Variants in UBE2L3 observed in about 807,000 individuals in gnomAD.
The protein encoded by UBE2L3 is ubiquitin conjugating enzyme E2 L3.
A neutral mutation model predicts 17.8 loss-of-function variants in UBE2L3; 1 was observed. The observed-to-expected ratio is 0.06, with a 90% CI of 0.02 to 0.27. UBE2L3 has a LOEUF of 0.27. Ranked by LOEUF, UBE2L3 falls within the 10% of genes least tolerant of loss-of-function variation. The probability of loss-of-function intolerance (pLI) is 1.00; values close to 1 mark genes in which losing one functional copy is unlikely to be tolerated. For synonymous variants in UBE2L3, 44 were observed against 68.5 expected (o/e 0.64, Z 1.76); for missense variants, 40 against 192.6 (o/e 0.21, Z 4.69).
intron 1 of UBE2L3, among the ~76,000 whole-genome samples, chr22:21,562,622 C>T (rs758801720): frequency 2.7e-5 from 4 of 150,900 alleles, no homozygotes; most frequent in East Asian, 2.0e-4. Flanking sequence ...CTGCCTGCCT[C>T]GGCCTCCCAA....
intron 1 of UBE2L3, among the ~76,000 whole-genome samples, chr22:21,561,184 G>A (rs1250023761): frequency 6.6e-6 from 1 of 152,292 alleles, no homozygotes; most frequent in East Asian, 1.9e-4. Context: ...GGAACAGCTT[G>A]AGCCTCAGTT....
In UBE2L3 at chr22:21,623,376, G is replaced by C. The variant is rs1002880534; in HGVS notation, c.*1707G>C. On this transcript the variant is annotated 3_prime_UTR_variant, in exon 4 of 4. Coordinates refer to ENST00000342192, the MANE Select transcript of UBE2L3 (RefSeq NM_003347.4). ...ACTCCCTTGTGCCCGGGATGGCAAG[G>C]GCACCGGGCTGGCGTTTCCACATCT... is the stretch of plus-strand genomic sequence containing the variant. The C allele has an allele frequency of 6.5e-6, 1 of 152,736 alleles. No homozygotes were observed. The highest frequency in any genetic ancestry group is 1.5e-5 in the Non-Finnish European group (1 of 68,038). The allele number at this position is 152,736 out of a possible 1,614,324, so 9.5% of individuals were successfully genotyped here.
At chr22:21,608,329 A>C (rs1398595668) in intron 2 of UBE2L3, among the ~76,000 whole-genome samples, 1 of 152,192 alleles carries the variant, frequency 6.6e-6, no homozygotes, top group East Asian at 1.9e-4. Flanking sequence ...AGCTCATTGC[A>C]TTCTCAAACT....
intron 3 of UBE2L3, among the ~76,000 whole-genome samples, chr22:21,621,228 C>T (rs983866383): frequency 6.6e-6 from 1 of 152,134 alleles, no homozygotes; most frequent in Non-Finnish European, 1.5e-5. Flanking sequence ...AAGACCTCCC[C>T]AGGTGTTAGG....
chr22:21,589,040 TGCCTTG>T (rs1928108815), intron 1 of UBE2L3, among the ~76,000 whole-genome samples: 1 of 152,292 alleles, frequency 6.6e-6, no homozygotes, highest in Admixed American at 6.5e-5. Context: ...GCAGTCTGCC[TGCCTTG>T]GCCTCCCAAA....
At chr22:21,556,435 C>T (rs462148) in intron 1 of UBE2L3, among the ~76,000 whole-genome samples, 150,473 of 152,342 alleles carry the variant, frequency 0.99, 74,343 homozygotes, top group Middle Eastern at 1. Context: ...ATTGTTTTAT[C>T]ATTTATTTTT....
At chr22:21,575,790 T>C (rs894597518) in intron 1 of UBE2L3, among the ~76,000 whole-genome samples, 15 of 149,808 alleles carry the variant, frequency 1.0e-4, no homozygotes, top group Non-Finnish European at 1.6e-4. Flanking sequence ...ACTACAGATA[T>C]GCGCCACCAT....
At chr22:21,605,226 C>T (rs537808892) in intron 2 of UBE2L3, among the ~76,000 whole-genome samples, 18 of 152,294 alleles carry the variant, frequency 1.2e-4, no homozygotes, top group Non-Finnish European at 2.4e-4. Context: ...GAACACCTTG[C>T]TCTATCGCCT....
chr22:21,562,535 A>C lies in UBE2L3; in HGVS notation c.201+12885A>C, dbSNP rs556406112. Among the ~76,000 whole-genome samples, 157 of 151,396 alleles carry C rather than the reference A, an allele frequency of 1.0e-3. 1 individual carries two copies. Among genetic ancestry groups the C allele is most frequent in the African/African-American group, 3.4e-3 (139 of 41,352 alleles). ...CACAAGCACCCGCCACCACGCCCAG[A>C]TAATTTTTTGTGTTTTTAGTAGAGA... On this transcript the variant is annotated intron_variant, in intron 1 of 3. Transcript: ENST00000458578.
At chr22:21,566,585 CA>C (rs58829886), upstream of UBE2L3, among the ~76,000 whole-genome samples, 262 of 134,688 alleles carry the variant, frequency 1.9e-3, no homozygotes, top group East Asian at 2.4e-3. Flanking sequence ...GACTCTGTCT[CA>C]AAAAAAAAAA....
Position 21,612,658 on chromosome 22 carries a change from T to C in UBE2L3, c.310+1615T>C, listed in dbSNP as rs867575127. Among the ~76,000 whole-genome samples, 552 of 124,676 alleles carry C rather than the reference T, an allele frequency of 4.4e-3. 10 individuals carry two copies. Among genetic ancestry groups the C allele is most frequent in the African/African-American group, 0.015 (510 of 34,254 alleles). 81.8% of individuals were successfully genotyped at this position (124,676 alleles called of 152,430 possible). On this transcript the variant is annotated intron_variant, in intron 3 of 3. Transcript: ENST00000342192. The stretch of plus-strand genomic sequence containing the variant: ...CTTTTCTTTTCTTTTTTTTTTTTTT[T>C]TTTTTTTTTTTTTGAGACGGAGTCA...
At chr22:21,590,262 A>T (rs940841693) in intron 1 of UBE2L3, among the ~76,000 whole-genome samples, 3 of 151,864 alleles carry the variant, frequency 2.0e-5, no homozygotes, top group Admixed American at 2.0e-4. Flanking sequence ...CAGTGGTGCG[A>T]TCTTAGTTCA....
At chr22:21,587,090 C>G (rs1461651624) in intron 1 of UBE2L3, among the ~76,000 whole-genome samples, 1 of 150,904 alleles carries the variant, frequency 6.6e-6, no homozygotes, top group Admixed American at 6.6e-5. Context: ...TTCACCATGT[C>G]AGCCAGGCTG....
At chr22:21,619,911 T>C (rs1452865626) in intron 3 of UBE2L3, among the ~76,000 whole-genome samples, 1 of 152,162 alleles carries the variant, frequency 6.6e-6, no homozygotes, top group Non-Finnish European at 1.5e-5. Context: ...AGGCTGGTCT[T>C]GAGCTCCTGA....
chr22:21,620,893 C>T (rs1439517397), intron 3 of UBE2L3, among the ~76,000 whole-genome samples: 2 of 152,182 alleles, frequency 1.3e-5, no homozygotes, highest in Non-Finnish European at 2.9e-5. Flanking sequence ...GGGTGCTGGG[C>T]TGATGCAGGG....
At chr22:21,558,892 A>T (rs1268565018) in intron 1 of UBE2L3, among the ~76,000 whole-genome samples, 2 of 151,994 alleles carry the variant, frequency 1.3e-5, no homozygotes, top group African/African-American at 4.8e-5. Context: ...CAGTAAATAC[A>T]GGACTGAAGA....
chr22:21,613,931 C>T (rs183570714), intron 3 of UBE2L3, among the ~76,000 whole-genome samples: 53 of 152,280 alleles, frequency 3.5e-4, no homozygotes, highest in Admixed American at 1.5e-3. Flanking sequence ...AGAACTGGTA[C>T]GGTGTCACTT....
chr22:21,618,792 A>G (rs1310131640), intron 3 of UBE2L3, among the ~76,000 whole-genome samples: 2 of 151,968 alleles, frequency 1.3e-5, no homozygotes, highest in East Asian at 1.9e-4. Context: ...AGGTCTTGCT[A>G]TGTTGCCCAG....
chr22:21,607,757 C>T (rs1211984854), intron 2 of UBE2L3, among the ~76,000 whole-genome samples: 2 of 152,050 alleles, frequency 1.3e-5, no homozygotes, highest in Admixed American at 6.6e-5. Flanking sequence ...AGGTGGTTTT[C>T]GGGTGGTTCT....
Sources: gnomAD v4.1 joint callset for allele counts (sites outside exome capture counted in the v4.1 genomes callset) on GRCh38, gnomAD v4.1.1 for gene constraint, MANE v1.5 for transcripts, NCBI Gene and HGNC (gene_info 2026-07-23, HGNC 2026-07-21) for gene names.